GLI3: variants seen among roughly 807,000 people sequenced by gnomAD.
GLI3 encodes transcription activator GLI3.
A neutral mutation model predicts 100.8 loss-of-function variants in GLI3; 20 were observed. The observed-to-expected ratio is 0.20, with a 90% CI of 0.14 to 0.29. GLI3 has a LOEUF of 0.29. GLI3 is among the 10% of genes least tolerant of loss of function. GLI3 has a pLI of 1.00. For synonymous variants in GLI3, 938 were observed against 860.5 expected (o/e 1.09, Z -1.58); for missense variants, 2,040 against 2,128.5 (o/e 0.96, Z 0.82).
intron 1 of GLI3, among the ~76,000 whole-genome samples, chr7:42,262,363 G>A (rs4720419): frequency 0.37 from 55,322 of 151,364 alleles, 10,691 homozygotes; most frequent in East Asian, 0.46. Flanking sequence ...AGGCTCAAGC[G>A]GTCCTCCCAC....
Position 42,237,189 on chromosome 7 carries a change from G to C in GLI3, c.-261C>G, listed in dbSNP as rs913846152. 1 of 149,692 alleles carries C rather than the reference G, an allele frequency of 6.7e-6. No homozygotes were observed. Among genetic ancestry groups the C allele is most frequent in the African/African-American group, 2.4e-5 (1 of 41,182 alleles). The allele number at this position is 149,692 out of a possible 1,614,324, so 9.3% of individuals were successfully genotyped here. A position where few individuals can be genotyped will look rare whatever the true frequency, so the allele number is the denominator to read the frequency against. Reference sequence around the variant, plus strand: ...GCGGCGCGGGTGAGTGGGAGCGGCGGGTGTGCGCGAGTGCGAGTGTGCGAG... The same window carrying C: ...GCGGCGCGGGTGAGTGGGAGCGGCGCGTGTGCGCGAGTGCGAGTGTGCGAG... On this transcript the variant is annotated 5_prime_UTR_variant, in exon 1 of 15. Transcript: ENST00000395925.
chr7:42,064,177 C>A (rs1444481779), intron 4 of GLI3, among the ~76,000 whole-genome samples: 1 of 151,990 alleles, frequency 6.6e-6, no homozygotes. Flanking sequence ...AAAGTGCAGG[C>A]AACAAACTTT....
intron 2 of GLI3, among the ~76,000 whole-genome samples, chr7:42,160,926 C>A (rs1471274023): frequency 6.6e-6 from 1 of 152,162 alleles, no homozygotes; most frequent in African/African-American, 2.4e-5. Context: ...ATCTCTTTTA[C>A]CCACTTCTTC....
intron 2 of GLI3, among the ~76,000 whole-genome samples, chr7:42,175,643 GTC>G (rs1285525248): frequency 6.6e-6 from 1 of 151,470 alleles, no homozygotes; most frequent in Non-Finnish European, 1.5e-5. Context: ...AATGACAGTA[GTC>G]TCTCTTACAA....
intron 3 of GLI3, among the ~76,000 whole-genome samples, chr7:42,119,884 T>G (rs2128770708): frequency 6.6e-6 from 1 of 152,240 alleles, no homozygotes; most frequent in South Asian, 2.1e-4. Flanking sequence ...CAGTGTGAAA[T>G]TTGCTGAAAT....
intron 4 of GLI3, among the ~76,000 whole-genome samples, chr7:42,064,916 A>G (rs1784644419): frequency 6.6e-6 from 1 of 152,080 alleles, no homozygotes; most frequent in Non-Finnish European, 1.5e-5. Context: ...CTGTGCTCCA[A>G]TGATGCACAG....
intron 10 of GLI3, among the ~76,000 whole-genome samples, chr7:42,013,761 C>T (rs1456739606): frequency 6.6e-6 from 1 of 152,194 alleles, no homozygotes. Flanking sequence ...AAAAACTTGA[C>T]TAGCACTGTA....
At chr7:42,182,425 T>C (rs1031208541) in intron 2 of GLI3, among the ~76,000 whole-genome samples, 1 of 151,376 alleles carries the variant, frequency 6.6e-6, no homozygotes, top group Non-Finnish European at 1.5e-5. Context: ...CTGCTTTATA[T>C]CCTTGCTTTA....
chr7:42,169,017 C>G (rs985917219), intron 2 of GLI3, among the ~76,000 whole-genome samples: 9 of 152,116 alleles, frequency 5.9e-5, no homozygotes, highest in African/African-American at 2.2e-4. Flanking sequence ...GTTTCTTGAG[C>G]CTAATTCTAG....
chr7:42,005,545 T>C (rs146375883), intron 10 of GLI3, among the ~76,000 whole-genome samples: 2,015 of 150,452 alleles, frequency 0.013, 36 homozygotes, highest in African/African-American at 0.047. Flanking sequence ...TTGGGGTCCA[T>C]TGAGTGAACA....
intron 7 of GLI3, among the ~76,000 whole-genome samples, chr7:42,033,904 A>G (rs959195384): frequency 6.6e-6 from 1 of 152,238 alleles, no homozygotes; most frequent in Admixed American, 6.5e-5. Context: ...TAGAGTACAC[A>G]AAGACCCACA....
chr7:42,237,972 G>T (rs866352015), upstream of GLI3: 36 of 146,648 alleles, frequency 2.5e-4, no homozygotes, highest in Admixed American at 4.3e-4. Context: ...CTCCCTCCCC[G>T]CCCTCCGCCG....
chr7:42,141,954 C>G (rs1236662374), intron 3 of GLI3, among the ~76,000 whole-genome samples: 4 of 152,136 alleles, frequency 2.6e-5, no homozygotes, highest in Non-Finnish European at 5.9e-5. Flanking sequence ...CCTATGGTGG[C>G]ACGCATGAGT....
intron 7 of GLI3, among the ~76,000 whole-genome samples, chr7:42,027,969 G>C (rs187932476): frequency 2.1e-3 from 318 of 152,258 alleles, no homozygotes; most frequent in African/African-American, 6.9e-3. Context: ...ATGATTGATA[G>C]GGCATTAATC....
intron 3 of GLI3, chr7:42,145,622 G>GAA (rs59890189): frequency 0.17 from 57,998 of 346,440 alleles, 1,870 homozygotes; most frequent in Non-Finnish European, 0.19. Flanking sequence ...AAGAAAGAAA[G>GAA]AAAAAAAAAA....
At chr7:42,056,861 A>G (rs935021150) in intron 4 of GLI3, among the ~76,000 whole-genome samples, 2 of 151,720 alleles carry the variant, frequency 1.3e-5, no homozygotes, top group Middle Eastern at 3.2e-3. Flanking sequence ...GTATGCCTGT[A>G]ATCCCAGCTA....
In GLI3 at chr7:42,025,331, A is replaced by C; in HGVS notation, c.1289T>G (p.Met430Arg). 6.2e-7 allele frequency: 1 copy of C among 1,614,174 alleles called. No individual in the cohort carries two copies. The highest frequency in any genetic ancestry group is 1.6e-4 in the Middle Eastern group (1 of 6,062). The part of the protein sequence containing the change: ...ESAVSSTGDP[M>R]HNKRSKIKPD... ...TTTGATCTTGGACCTCTTGTTGTGCATCGGGTCACCAGTGCTGCTCACTGC... is the reference window on the plus strand; with the variant it reads ...TTTGATCTTGGACCTCTTGTTGTGCCTCGGGTCACCAGTGCTGCTCACTGC... The change falls in exon 9 of 15, where the codon ATG (methionine) becomes AGG (arginine). Residue 430 changes from methionine to arginine, a missense_variant. Physicochemically the swap from Met to Arg is moderately conservative, Grantham distance 91. Transcript: ENST00000395925.
intron 3 of GLI3, among the ~76,000 whole-genome samples, chr7:42,106,191 T>C (rs1456175063): frequency 6.6e-6 from 1 of 152,192 alleles, no homozygotes; most frequent in African/African-American, 2.4e-5. Flanking sequence ...GGCATCCTCA[T>C]GCAGCCCGCA....
chr7:41,968,717 A>AAAG lies in GLI3; in HGVS notation c.2104-797_2104-795dup, dbSNP rs1164025621. Among the ~76,000 whole-genome samples the AAAG allele has an allele frequency of 7.5e-4, 78 of 103,710 alleles. No individual in the cohort carries two copies. The Middle Eastern group carries it at 0.013, about 17-fold the overall frequency. 68.0% of individuals were successfully genotyped at this position (103,710 alleles called of 152,430 possible). ...AGAAAGAAAGAAAGAAAGAAAGAAG[A>AAAG]AAGAAAGAAAGAAAGAAAGAAAGAA... On this transcript the variant is annotated intron_variant, in intron 13 of 14. Coordinates refer to ENST00000395925, the MANE Select transcript of GLI3 (RefSeq NM_000168.6).
Sources: gnomAD v4.1 joint callset for allele counts (sites outside exome capture counted in the v4.1 genomes callset) on GRCh38, gnomAD v4.1.1 for gene constraint, MANE v1.5 for transcripts, NCBI Gene and HGNC (gene_info 2026-07-23, HGNC 2026-07-21) for gene names.